The following IL1RAPL2 variants were observed in gnomAD, a reference collection of about 807,000 sequenced individuals.
The protein encoded by IL1RAPL2 is interleukin 1 receptor accessory protein like 2, also known as X-linked interleukin-1 receptor accessory protein-like 2.
In IL1RAPL2, 3 loss-of-function variants were observed where a neutral mutation model predicts 44.1. That is an observed-to-expected ratio of 0.07 (90% CI 0.03 to 0.18). The LOEUF is 0.18. Among genes scored for constraint, IL1RAPL2 ranks in the 10% least tolerant of loss-of-function variants. The pLI, the probability that IL1RAPL2 is intolerant of heterozygous loss-of-function variation, is 1.00. For synonymous variants in IL1RAPL2, 181 were observed against 178.8 expected (o/e 1.01, Z -0.10); for missense variants, 391 against 496.4 (o/e 0.79, Z 2.02).
intron 2 of IL1RAPL2, among the ~76,000 whole-genome samples, chrX:105,103,782 C>T (rs775709063): frequency 9.0e-6 from 1 of 111,589 alleles, no homozygotes; most frequent in South Asian, 3.8e-4. Flanking sequence ...GATTTGCTAA[C>T]CAGGACTAGC....
intron 2 of IL1RAPL2, among the ~76,000 whole-genome samples, chrX:105,116,446 A>G (rs1277849799): frequency 8.9e-6 from 1 of 112,702 alleles, no homozygotes; most frequent in Non-Finnish European, 1.9e-5. Flanking sequence ...ATCCAGTTGT[A>G]TAAATTGATT....
chrX:104,916,660 A>G, intron 2 of IL1RAPL2, among the ~76,000 whole-genome samples: 1 of 111,384 alleles, frequency 9.0e-6, no homozygotes, highest in East Asian at 2.9e-4. Context: ...TTTCAAAGGG[A>G]ATGCTTCCAG....
chrX:105,311,451 T>C (rs762621030), intron 5 of IL1RAPL2, among the ~76,000 whole-genome samples: 4 of 109,667 alleles, frequency 3.6e-5, no homozygotes, highest in African/African-American at 1.3e-4. Context: ...ATTTAAGTAC[T>C]GTACATTCAT....
intron 10 of IL1RAPL2, among the ~76,000 whole-genome samples, chrX:105,762,427 ACT>A (rs2147597178): frequency 9.0e-6 from 1 of 111,287 alleles, no homozygotes; most frequent in South Asian, 3.7e-4. Flanking sequence ...TATTTTCCTA[ACT>A]CTCTGTCAAC....
At chrX:105,518,010 C>A (rs928078298) in intron 6 of IL1RAPL2, among the ~76,000 whole-genome samples, 3 of 110,775 alleles carry the variant, frequency 2.7e-5, no homozygotes, top group African/African-American at 9.8e-5. Flanking sequence ...GAGAAATGCA[C>A]AAATAATGAA....
At chrX:105,263,395 T>G (rs1234489063) in intron 4 of IL1RAPL2, among the ~76,000 whole-genome samples, 6 of 111,807 alleles carry the variant, frequency 5.4e-5, no homozygotes, top group African/African-American at 2.0e-4. Flanking sequence ...TTCCTGATGT[T>G]CTTGCCATGA....
intron 5 of IL1RAPL2, among the ~76,000 whole-genome samples, chrX:105,437,312 G>A (rs1224022780): frequency 9.1e-6 from 1 of 109,996 alleles, no homozygotes; most frequent in Non-Finnish European, 1.9e-5. Context: ...AGGTAAACCA[G>A]ACTTTACAAG....
At chrX:104,936,249 CTG>C (rs755077080) in intron 2 of IL1RAPL2, among the ~76,000 whole-genome samples, 1 of 112,012 alleles carries the variant, frequency 8.9e-6, no homozygotes, top group Non-Finnish European at 1.9e-5. Context: ...ATTTTTCAAA[CTG>C]TGGATTATGA....
At chrX:104,768,769 G>A (rs1470789373) in intron 2 of IL1RAPL2, among the ~76,000 whole-genome samples, 2 of 111,461 alleles carry the variant, frequency 1.8e-5, no homozygotes, top group Non-Finnish European at 3.8e-5. Flanking sequence ...ATTGTTTTCA[G>A]ATCTTCAGAG....
chrX:104,938,711 T>A (rs1372469171), intron 2 of IL1RAPL2, among the ~76,000 whole-genome samples: 1 of 109,913 alleles, frequency 9.1e-6, no homozygotes, highest in Non-Finnish European at 1.9e-5. Flanking sequence ...TCCACATGGT[T>A]GATTAAATGG....
intron 2 of IL1RAPL2, among the ~76,000 whole-genome samples, chrX:105,033,203 G>A (rs1201329594): frequency 9.0e-6 from 1 of 111,430 alleles, no homozygotes; most frequent in Admixed American, 9.5e-5. Context: ...TCTCTTAATT[G>A]GAGCATTTAG....
intron 2 of IL1RAPL2, among the ~76,000 whole-genome samples, chrX:105,170,178 G>T (rs924805184): frequency 1.2e-4 from 13 of 110,654 alleles, no homozygotes; most frequent in African/African-American, 3.3e-4. Context: ...ATTTGTATTT[G>T]TCAGCTAAAA....
chrX:105,622,062 T>C (rs990760771), intron 6 of IL1RAPL2, among the ~76,000 whole-genome samples: 1 of 110,419 alleles, frequency 9.1e-6, no homozygotes, highest in Non-Finnish European at 1.9e-5. Flanking sequence ...GCTCCTAGTA[T>C]GTATACTTTG....
intron 6 of IL1RAPL2, among the ~76,000 whole-genome samples, chrX:105,698,361 C>T (rs1176128566): frequency 1.8e-5 from 2 of 111,464 alleles, no homozygotes; most frequent in African/African-American, 3.3e-5. Context: ...TAAAGCTTTC[C>T]GAAGATATTT....
chrX:105,545,589 G>C (rs2036788538), intron 6 of IL1RAPL2, among the ~76,000 whole-genome samples: 1 of 111,877 alleles, frequency 8.9e-6, no homozygotes, highest in Admixed American at 9.5e-5. Flanking sequence ...TCTTCTGTTG[G>C]CTAATTTTTT....
intron 6 of IL1RAPL2, among the ~76,000 whole-genome samples, chrX:105,611,403 C>T (rs1310592129): frequency 8.9e-6 from 1 of 111,840 alleles, no homozygotes; most frequent in Non-Finnish European, 1.9e-5. Flanking sequence ...ACTGACCACT[C>T]TGTGACACAT....
chrX:104,683,475 C>T (rs150277768), intron 2 of IL1RAPL2, among the ~76,000 whole-genome samples: 6,124 of 111,755 alleles, frequency 0.055, 438 homozygotes, highest in African/African-American at 0.19. Context: ...AGCAGAATGA[C>T]GGGGACTTTG....
chrX:104,724,682 C>T lies in IL1RAPL2; in HGVS notation c.82+65687C>T, dbSNP rs192180898. 3.7e-3 allele frequency among the ~76,000 whole-genome samples: 412 copies of T among 111,330 alleles called. 7 individuals carry two copies. The highest frequency in any genetic ancestry group is 0.034 in the Admixed American group (355 of 10,452). On this transcript the variant is annotated intron_variant, in intron 2 of 10. Coordinates refer to ENST00000372582, the MANE Select transcript of IL1RAPL2 (RefSeq NM_017416.2). ...AAAAGGCAGATCATCTATAAAGGAG[C>T]AGCAAATAGAGCAACTATAGACTTC... is the stretch of plus-strand genomic sequence containing the variant.
Position 104,890,307 on chromosome X carries a change from A to G in IL1RAPL2, c.82+231312A>G, listed in dbSNP as rs1196348368. ...GCATGATTTATAGTCCTTTGGGTAT[A>G]TACCCAGTAATGGGATGGCTGGGTC... On this transcript the variant is annotated intron_variant, in intron 2 of 10. Coordinates refer to ENST00000372582, the MANE Select transcript of IL1RAPL2 (RefSeq NM_017416.2). 1.4e-3 allele frequency among the ~76,000 whole-genome samples: 155 copies of G among 111,939 alleles called. 2 individuals are homozygous for G. Among genetic ancestry groups the G allele is most frequent in the South Asian group, 3.0e-3 (8 of 2,638 alleles).
Sources: allele counts gnomAD v4.1 joint callset (sites outside exome capture counted in the v4.1 genomes callset), GRCh38; gene constraint gnomAD v4.1.1; transcripts MANE v1.5; gene names NCBI Gene and HGNC (gene_info 2026-07-23, HGNC 2026-07-21).